GRM7: variants seen among roughly 807,000 people sequenced by gnomAD.
GRM7 encodes the protein glutamate metabotropic receptor 7.
GRM7 carries 35 observed loss-of-function variants against 84.5 expected under a neutral mutation model. The ratio of observed to expected loss-of-function variants is 0.41; its 90% CI spans 0.32 to 0.55. The LOEUF (loss-of-function observed/expected upper bound fraction) is 0.55, where lower values mean the gene tolerates loss of function less well. GRM7 is among the 20% of genes least tolerant of loss of function. The pLI is 0.19. For missense variants in GRM7, 1,003 were observed against 1,194.6 expected (o/e 0.84, Z 2.36); for synonymous variants, 487 against 455.1 (o/e 1.07, Z -0.89).
At chr3:6,988,422 G>T (rs1480686049) in intron 1 of GRM7, among the ~76,000 whole-genome samples, 2 of 151,922 alleles carry the variant, frequency 1.3e-5, no homozygotes, top group South Asian at 4.2e-4. Flanking sequence ...TGTTCTCCAA[G>T]AATGCTGCTC....
chr3:7,612,024 C>T (rs762935405), intron 8 of GRM7, among the ~76,000 whole-genome samples: 12 of 152,140 alleles, frequency 7.9e-5, no homozygotes, highest in Non-Finnish European at 1.6e-4. Context: ...GGTCCTTTAA[C>T]CTCTCAGATT....
At chr3:7,040,055 T>C (rs9833686) in intron 1 of GRM7, among the ~76,000 whole-genome samples, 3,589 of 152,306 alleles carry the variant, frequency 0.024, 121 homozygotes, top group African/African-American at 0.082. Flanking sequence ...CCATAACCCA[T>C]AGCCCTTGTG....
intron 1 of GRM7, chr3:6,893,078 C>T (rs575174848): frequency 6.6e-6 from 1 of 152,098 alleles, no homozygotes; most frequent in South Asian, 2.1e-4. Context: ...TCTTAATAAC[C>T]ATTTTTTAAT....
intron 1 of GRM7, among the ~76,000 whole-genome samples, chr3:7,133,921 T>C (rs984301782): frequency 2.0e-5 from 3 of 152,146 alleles, no homozygotes; most frequent in Non-Finnish European, 4.4e-5. Context: ...GCCTTCATTG[T>C]ATTATGTCAT....
At chr3:7,216,336 A>G (rs560381702) in intron 2 of GRM7, among the ~76,000 whole-genome samples, 2 of 152,184 alleles carry the variant, frequency 1.3e-5, no homozygotes, top group Non-Finnish European at 2.9e-5. Context: ...GACTCTACTG[A>G]TAATTGACTA....
At chr3:7,733,077 T>C (rs932795135) in intron 9 of GRM7, among the ~76,000 whole-genome samples, 5 of 152,182 alleles carry the variant, frequency 3.3e-5, no homozygotes, top group African/African-American at 9.6e-5. Context: ...GTCTTTGTTT[T>C]GGTGGGATTT....
intron 8 of GRM7, among the ~76,000 whole-genome samples, chr3:7,616,278 C>T (rs1697075596): frequency 6.6e-6 from 1 of 152,038 alleles, no homozygotes; most frequent in African/African-American, 2.4e-5. Flanking sequence ...CTAAATGCAC[C>T]CTTCTGCCCC....
chr3:7,013,236 G>A (rs770555352), intron 1 of GRM7, among the ~76,000 whole-genome samples: 1 of 151,834 alleles, frequency 6.6e-6, no homozygotes, highest in Non-Finnish European at 1.5e-5. Flanking sequence ...AAGCAAATGT[G>A]TATGCTCTTC....
At chr3:7,329,033 C>T (rs775411991) in intron 4 of GRM7, among the ~76,000 whole-genome samples, 5 of 151,916 alleles carry the variant, frequency 3.3e-5, no homozygotes, top group Non-Finnish European at 7.4e-5. Flanking sequence ...CAAATCTCAG[C>T]CCCCACCCCC....
At chr3:7,002,359 G>T (rs1695042323) in intron 1 of GRM7, among the ~76,000 whole-genome samples, 1 of 152,126 alleles carries the variant, frequency 6.6e-6, no homozygotes, top group Non-Finnish European at 1.5e-5. Flanking sequence ...CTAGAACTAT[G>T]AGCCTAACAG....
intron 1 of GRM7, among the ~76,000 whole-genome samples, chr3:6,980,298 C>T (rs1233659599): frequency 3.3e-5 from 5 of 152,112 alleles, no homozygotes; most frequent in Admixed American, 2.0e-4. Context: ...TAGACCTTTA[C>T]AGAATTTGCT....
intron 7 of GRM7, among the ~76,000 whole-genome samples, chr3:7,513,679 T>C (rs1700284949): frequency 6.6e-6 from 1 of 152,212 alleles, no homozygotes; most frequent in South Asian, 2.1e-4. Context: ...ATTTGATCAT[T>C]ACACATTGTG....
In GRM7 at chr3:7,579,462, A is replaced by G. The variant is rs1046824988; in HGVS notation, c.2451+105A>G. On this transcript the variant is annotated intron_variant, in intron 8 of 9. Transcript: ENST00000357716. ...AAAGTAAGAAGTTTCGTATATGCAG[A>G]ATGGTATTTCCAAGAGTAGAGAACT... The G allele has an allele frequency of 2.9e-5, 19 of 665,738 alleles. No individual in the cohort carries two copies. In the African/African-American group the frequency reaches 3.3e-4, roughly 11 times the overall value. 41.2% of individuals were successfully genotyped at this position (665,738 alleles called of 1,614,324 possible). A position where few individuals can be genotyped will look rare whatever the true frequency, so the allele number is the denominator to read the frequency against.
intron 4 of GRM7, among the ~76,000 whole-genome samples, chr3:7,324,393 T>C (rs1026802884): frequency 6.6e-6 from 1 of 152,226 alleles, no homozygotes; most frequent in Non-Finnish European, 1.5e-5. Context: ...CAATGAATTC[T>C]GAATCTGGAA....
At chr3:7,210,556 A>T (rs918158638) in intron 2 of GRM7, among the ~76,000 whole-genome samples, 2 of 152,196 alleles carry the variant, frequency 1.3e-5, no homozygotes, top group Admixed American at 6.5e-5. Flanking sequence ...AGCACCACAG[A>T]TGGAATTTTA....
intron 5 of GRM7, among the ~76,000 whole-genome samples, chr3:7,438,378 C>T (rs1439143031): frequency 6.6e-6 from 1 of 151,946 alleles, no homozygotes; most frequent in African/African-American, 2.4e-5. Flanking sequence ...TGAGAGCAAT[C>T]ATGACACCCC....
chr3:7,437,441 T>C (rs1041879439), intron 5 of GRM7, among the ~76,000 whole-genome samples: 5 of 152,176 alleles, frequency 3.3e-5, no homozygotes, highest in Non-Finnish European at 7.3e-5. Flanking sequence ...CAGATAATCC[T>C]CACTGCTACC....
At chr3:7,052,441 C>A (rs1351968748) in intron 1 of GRM7, among the ~76,000 whole-genome samples, 1 of 151,476 alleles carries the variant, frequency 6.6e-6, no homozygotes, top group East Asian at 1.9e-4. Context: ...TTTAAGTGTG[C>A]AATCCTCTTG....
At chr3:7,651,282 G>A (rs1016727361) in intron 8 of GRM7, among the ~76,000 whole-genome samples, 1 of 152,050 alleles carries the variant, frequency 6.6e-6, no homozygotes, top group Non-Finnish European at 1.5e-5. Flanking sequence ...CCTCCTTGGG[G>A]AAAAAAAGTG....
Sources: allele counts gnomAD v4.1 joint callset (sites outside exome capture counted in the v4.1 genomes callset), GRCh38; gene constraint gnomAD v4.1.1; transcripts MANE v1.5; gene names NCBI Gene and HGNC (gene_info 2026-07-23, HGNC 2026-07-21).